Variants in ATP11A observed in about 807,000 individuals in gnomAD.
ATP11A encodes the protein phospholipid-transporting ATPase IH.
ATP11A carries 81 observed loss-of-function variants against 154.4 expected under a neutral mutation model. The observed-to-expected ratio is 0.52, with a 90% confidence interval of 0.44 to 0.63. ATP11A has a LOEUF of 0.63. Among genes scored for constraint, ATP11A ranks in the 30% least tolerant of loss-of-function variants. The probability of loss-of-function intolerance (pLI) is 0.00; values close to 1 mark genes in which losing one functional copy is unlikely to be tolerated. For synonymous variants in ATP11A, 623 were observed against 585.9 expected (o/e 1.06, Z -0.91); for missense variants, 1,316 against 1,474.3 (o/e 0.89, Z 1.76).
chr13:112,713,172 G>A (rs544211325), intron 1 of ATP11A, among the ~76,000 whole-genome samples: 160 of 152,266 alleles, frequency 1.1e-3, no homozygotes, highest in African/African-American at 3.5e-3. Context: ...TGAGGCAGGC[G>A]GATCACAAGG....
intron 1 of ATP11A, among the ~76,000 whole-genome samples, chr13:112,772,778 G>A (rs1013970372): frequency 2.0e-5 from 3 of 152,252 alleles, no homozygotes; most frequent in Non-Finnish European, 4.4e-5. Flanking sequence ...GCCACTTGGC[G>A]GGGTCACCCC....
chr13:112,793,290 C>T (rs144628318), intron 2 of ATP11A, among the ~76,000 whole-genome samples: 319 of 152,282 alleles, frequency 2.1e-3, no homozygotes, highest in African/African-American at 6.4e-3. Context: ...CAACCTCCAC[C>T]GCCCGGGTTT....
At chr13:112,861,497 A>G (rs1404895650) in intron 24 of ATP11A, among the ~76,000 whole-genome samples, 2 of 152,212 alleles carry the variant, frequency 1.3e-5, no homozygotes, top group Non-Finnish European at 2.9e-5. Flanking sequence ...ACTTACGTAC[A>G]TGTGTGTACA....
chr13:112,835,485 G>A (rs532755096), intron 15 of ATP11A, among the ~76,000 whole-genome samples: 19 of 152,210 alleles, frequency 1.2e-4, no homozygotes, highest in Admixed American at 7.2e-4. Context: ...TGGGCTTCCC[G>A]GGGGCCGCAA....
At chr13:112,808,399 G>T (rs1712141672) in intron 4 of ATP11A, among the ~76,000 whole-genome samples, 1 of 152,048 alleles carries the variant, frequency 6.6e-6, no homozygotes, top group African/African-American at 2.4e-5. Flanking sequence ...CGCGCGTCCT[G>T]CTACCCAGCT....
intron 3 of ATP11A, 25 bp from the exon 4 acceptor site, chr13:112,806,188 A>AT: frequency 1.9e-6 from 3 of 1,590,306 alleles, no homozygotes; most frequent in African/African-American, 1.3e-5. Flanking sequence ...TTTGAAGATG[A>AT]TTTTACAATT....
At chr13:112,812,633 C>G (rs1333759162) in intron 5 of ATP11A, among the ~76,000 whole-genome samples, 1 of 152,256 alleles carries the variant, frequency 6.6e-6, no homozygotes, top group Non-Finnish European at 1.5e-5. Flanking sequence ...GCATCAACCA[C>G]TAACCCCCCA....
rs569332511 is a variant in ATP11A, at chr13:112,789,151, C to T, written c.162+3894C>T. On this transcript the variant is annotated intron_variant, in intron 2 of 29. Coordinates refer to ENST00000375645, the MANE Select transcript of ATP11A (RefSeq NM_015205.3). ...TGTGGTAGACCTACTTAATTCACAC[C>T]GAGTGTCCTGATGTGTAGACTCCTG... Among the ~76,000 whole-genome samples the T allele has an allele frequency of 2.7e-4, 40 of 149,474 alleles. 1 individual carries two copies. The highest frequency in any genetic ancestry group is 9.8e-4 in the African/African-American group (39 of 39,992).
chr13:112,749,857 T>G (rs2076652361), intron 1 of ATP11A, among the ~76,000 whole-genome samples: 1 of 132,042 alleles, frequency 7.6e-6, no homozygotes, highest in Non-Finnish European at 1.6e-5. Flanking sequence ...GTCTCCATCC[T>G]CCCATGTGGG....
At chr13:112,741,392 G>A (rs866281035) in intron 1 of ATP11A, among the ~76,000 whole-genome samples, 40 of 151,872 alleles carry the variant, frequency 2.6e-4, no homozygotes, top group Middle Eastern at 6.8e-3. Flanking sequence ...GGAGGGTTGG[G>A]CAGCCACACT....
At chr13:112,844,671 C>T (rs1389601220) in intron 17 of ATP11A, among the ~76,000 whole-genome samples, 3 of 152,188 alleles carry the variant, frequency 2.0e-5, no homozygotes, top group Non-Finnish European at 4.4e-5. Context: ...TCGTGAGGAA[C>T]AGCAGCACTC....
intron 25 of ATP11A, 121 bp from the exon 26 acceptor site, chr13:112,871,614 C>A: frequency 1.1e-6 from 1 of 904,102 alleles, no homozygotes; most frequent in Non-Finnish European, 1.8e-6. Context: ...GTGCTTATAT[C>A]TTTGGGGTTT....
chr13:112,855,832 A>C (rs1023146927), intron 19 of ATP11A, 79 bp from the exon 20 acceptor site: 2 of 1,330,792 alleles, frequency 1.5e-6, no homozygotes, highest in Non-Finnish European at 1.0e-6. Context: ...GCATCTGTCG[A>C]TATCCAAAAA....
chr13:112,729,779 T>A (rs779378416), intron 1 of ATP11A, among the ~76,000 whole-genome samples: 3 of 152,194 alleles, frequency 2.0e-5, no homozygotes, highest in Non-Finnish European at 4.4e-5. Flanking sequence ...CTTCAGAAGT[T>A]GTGATGCTGG....
At chr13:112,724,788 T>C (rs1373820048) in intron 1 of ATP11A, among the ~76,000 whole-genome samples, 2 of 151,852 alleles carry the variant, frequency 1.3e-5, no homozygotes. Context: ...ACAGAAACAC[T>C]CCTGCCATGT....
intron 2 of ATP11A, among the ~76,000 whole-genome samples, chr13:112,788,444 T>C (rs1242639564): frequency 6.7e-6 from 1 of 150,036 alleles, no homozygotes; most frequent in Non-Finnish European, 1.5e-5. Flanking sequence ...GGTGTCCTCA[T>C]GTGTAGACCC....
chr13:112,758,144 C>T (rs1258804542), intron 1 of ATP11A, among the ~76,000 whole-genome samples: 1 of 152,168 alleles, frequency 6.6e-6, no homozygotes, highest in Non-Finnish European at 1.5e-5. Flanking sequence ...TCATTGCAAC[C>T]TACACTTCCC....
intron 2 of ATP11A, among the ~76,000 whole-genome samples, chr13:112,799,244 G>A (rs1258937476): frequency 1.3e-5 from 2 of 152,234 alleles, no homozygotes; most frequent in African/African-American, 4.8e-5. Context: ...CAGAAAATCA[G>A]TAAGGACACG....
chr13:112,724,313 T>C (rs1889573989), intron 1 of ATP11A, among the ~76,000 whole-genome samples: 1 of 151,714 alleles, frequency 6.6e-6, no homozygotes, highest in Non-Finnish European at 1.5e-5. Context: ...AGGGACCACC[T>C]ACACTTCTGA....
Sources: allele counts gnomAD v4.1 joint callset (sites outside exome capture counted in the v4.1 genomes callset), GRCh38; gene constraint gnomAD v4.1.1; transcripts MANE v1.5; gene names NCBI Gene and HGNC (gene_info 2026-07-23, HGNC 2026-07-21).